TMEM63C: variants seen among roughly 807,000 people sequenced by gnomAD.
TMEM63C encodes transmembrane protein 63C, also known as osmosensitive cation channel TMEM63C.
TMEM63C carries 32 observed loss-of-function variants against 99.2 expected under a neutral mutation model. The ratio of observed to expected loss-of-function variants is 0.32; its 90% confidence interval spans 0.24 to 0.43. The LOEUF is 0.43. TMEM63C is among the 20% of genes least tolerant of loss of function. TMEM63C has a pLI of 1.00. For missense variants in TMEM63C, 826 were observed against 1,053.0 expected (o/e 0.78, Z 2.98); for synonymous variants, 376 against 397.9 (o/e 0.94, Z 0.66).
chr14:77,251,583 T>A, intron 21 of TMEM63C: 1 of 579,446 alleles, frequency 1.7e-6, no homozygotes, highest in Non-Finnish European at 3.1e-6. Context: ...TAAAACATTT[T>A]TTCATGGACT....
In TMEM63C at chr14:77,238,879, G is replaced by A. The variant is rs1889107877; in HGVS notation, c.725+112G>A. ...GGATGGTGGGACTGGGACACCCCGG[G>A]GTGGCTCTCCCTGGACTCAGCTCAG... On this transcript the variant is annotated intron_variant, in intron 10 of 23. Coordinates refer to ENST00000298351, the MANE Select transcript of TMEM63C (RefSeq NM_020431.4). The A allele has an allele frequency of 1.6e-5, 13 of 827,180 alleles. No individual in the cohort carries two copies. The East Asian group carries it at 3.4e-4, about 22-fold the overall frequency. 51.2% of individuals were successfully genotyped at this position (827,180 alleles called of 1,614,324 possible). A position where few individuals can be genotyped will look rare whatever the true frequency, so the allele number is the denominator to read the frequency against.
chr14:77,231,909 T>C (rs1888950512), intron 7 of TMEM63C, among the ~76,000 whole-genome samples, 179 bp downstream of exon 7: 1 of 152,204 alleles, frequency 6.6e-6, no homozygotes, highest in South Asian at 2.1e-4. Flanking sequence ...CTGGAGACGA[T>C]TCCTCCTTTG....
chr14:77,191,532 C>CTT (rs1888107205), intron 1 of TMEM63C, among the ~76,000 whole-genome samples: 5 of 92,424 alleles, frequency 5.4e-5, no homozygotes, highest in South Asian at 3.5e-4. Context: ...TTTCTTTTTT[C>CTT]TTTTTCTTTT....
chr14:77,246,723 G>A, intron 18 of TMEM63C, 49 bp downstream of exon 18: 1 of 1,489,044 alleles, frequency 6.7e-7, no homozygotes, highest in Non-Finnish European at 9.3e-7. Context: ...GCACACAGGA[G>A]TGGTTATATG....
chr14:77,243,176 T>C (rs1889210710), intron 15 of TMEM63C, 120 bp downstream of exon 15: 6 of 1,210,366 alleles, frequency 5.0e-6, no homozygotes, highest in Non-Finnish European at 6.8e-6. Flanking sequence ...AGTGCGAACA[T>C]TGTGGAGGTG....
intron 5 of TMEM63C, among the ~76,000 whole-genome samples, chr14:77,223,657 GCA>G (rs1182013238): frequency 6.6e-6 from 1 of 151,980 alleles, no homozygotes; most frequent in Non-Finnish European, 1.5e-5. Flanking sequence ...GTATGTGTGT[GCA>G]CACACACATG....
rs1272035984 is a variant in TMEM63C, at chr14:77,236,736, A to G, written c.651+4A>G. 6.3e-7 allele frequency: 1 copy of G among 1,598,884 alleles called. No individual in the cohort carries two copies. Among genetic ancestry groups the G allele is most frequent in the Non-Finnish European group, 8.6e-7 (1 of 1,167,010 alleles). On this transcript the variant is annotated splice_donor_region_variant and intron_variant, in intron 9 of 23. Coordinates refer to ENST00000298351, the MANE Select transcript of TMEM63C (RefSeq NM_020431.4). ...TGCACCCAGGAATAGCCAAAAGGTA[A>G]GTAGCCTACAAAGCTGCTTCCCACT...
rs983362803 is a variant in TMEM63C, at chr14:77,257,290, C to G, written c.*564C>G. 6.5e-6 allele frequency: 1 copy of G among 153,450 alleles called. No homozygotes were observed. The highest frequency in any genetic ancestry group is 1.9e-4 in the East Asian group (1 of 5,224). 9.5% of individuals were successfully genotyped at this position (153,450 alleles called of 1,614,324 possible). A position where few individuals can be genotyped will look rare whatever the true frequency, so the allele number is the denominator to read the frequency against. On this transcript the variant is annotated 3_prime_UTR_variant, in exon 24 of 24. Coordinates refer to ENST00000298351, the MANE Select transcript of TMEM63C (RefSeq NM_020431.4). ...TCTGTAAAGAGAAAGTTTCTGCACC[C>G]ACCAGAGCAAGAGCCAACTGAAAGC...
intron 10 of TMEM63C, among the ~76,000 whole-genome samples, chr14:77,239,065 G>C (rs577804493): frequency 2.6e-5 from 4 of 152,198 alleles, no homozygotes; most frequent in Non-Finnish European, 5.9e-5. Context: ...CAGCTATTTA[G>C]AGAAGATCAT....
intron 1 of TMEM63C, among the ~76,000 whole-genome samples, chr14:77,182,439 T>C (rs1013237628): frequency 2.6e-5 from 4 of 152,126 alleles, no homozygotes; most frequent in African/African-American, 9.7e-5. Flanking sequence ...AAAGAAAGGC[T>C]CTTGCCTCCC....
Position 77,186,754 on chromosome 14 carries a change from G to A in TMEM63C, c.-77+4860G>A, listed in dbSNP as rs1297756969. 2.8e-5 allele frequency among the ~76,000 whole-genome samples: 4 copies of A among 141,948 alleles called. No individual in the cohort carries two copies. In the East Asian group the frequency reaches 5.9e-4, roughly 21 times the overall value. 93.1% of individuals were successfully genotyped at this position (141,948 alleles called of 152,430 possible). On this transcript the variant is annotated intron_variant, in intron 1 of 23. Coordinates refer to ENST00000298351, the MANE Select transcript of TMEM63C (RefSeq NM_020431.4). ...ACATCCCTGAGGACCTGGCAGAGGG[G>A]GAATCTTCTCAGAACCAAAGGGGTG...
intron 9 of TMEM63C, among the ~76,000 whole-genome samples, chr14:77,236,982 TCCAC>T (rs1889073674): frequency 6.8e-6 from 1 of 146,260 alleles, no homozygotes; most frequent in Non-Finnish European, 1.5e-5. Context: ...CTCACGCTCC[TCCAC>T]CCTCTCACCC....
intron 1 of TMEM63C, among the ~76,000 whole-genome samples, chr14:77,202,825 G>GCA (rs60544528): frequency 0.014 from 1,971 of 141,076 alleles, 37 homozygotes; most frequent in South Asian, 0.045. Flanking sequence ...ACAGGCAGGC[G>GCA]CACACACACA....
chr14:77,240,930 TCTTTTTTTTTTTTTTTC>T (rs750291864), intron 13 of TMEM63C, among the ~76,000 whole-genome samples: 1 of 17,202 alleles, frequency 5.8e-5, no homozygotes, highest in Admixed American at 1.0e-3. Context: ...TTTCCCTTTT[TCTTTTTTTTTTTTTTTC>T]TTTTTTTTTT....
chr14:77,257,014 C>T lies in TMEM63C; in HGVS notation c.*288C>T, dbSNP rs530894628. ...CTGGAGCCCCGGCACAGAGACTGAA[C>T]GCTGGGGTCCCTTCCTGGGACCAAG... is the stretch of plus-strand genomic sequence containing the variant. On this transcript the variant is annotated 3_prime_UTR_variant, in exon 24 of 24. Coordinates refer to ENST00000298351, the MANE Select transcript of TMEM63C (RefSeq NM_020431.4). The T allele has an allele frequency of 1.6e-5, 6 of 378,104 alleles. No homozygotes were observed. The highest frequency in any genetic ancestry group is 4.8e-5 in the East Asian group (1 of 20,968). The allele number at this position is 378,104 out of a possible 1,614,324, so 23.4% of individuals were successfully genotyped here. A position where few individuals can be genotyped will look rare whatever the true frequency, so the allele number is the denominator to read the frequency against.
chr14:77,246,442 G>A (rs887235039), intron 17 of TMEM63C, among the ~76,000 whole-genome samples, 167 bp from the exon 18 acceptor site: 1 of 152,234 alleles, frequency 6.6e-6, no homozygotes, highest in Admixed American at 6.5e-5. Flanking sequence ...CAAAGGGCTC[G>A]GGGCCAGGAC....
At chr14:77,198,954 T>C (rs558742265) in intron 1 of TMEM63C, among the ~76,000 whole-genome samples, 1 of 152,304 alleles carries the variant, frequency 6.6e-6, no homozygotes, top group East Asian at 1.9e-4. Context: ...GACACTGGAC[T>C]AGGCAGCAGC....
At chr14:77,239,369 C>T (rs1448463243) in intron 10 of TMEM63C, 43 bp from the exon 11 acceptor site, 1 of 1,606,316 alleles carries the variant, frequency 6.2e-7, no homozygotes, top group South Asian at 1.1e-5. Flanking sequence ...CAGCACATCC[C>T]CAACCCCACA....
rs556425696 is a variant in TMEM63C at position 77,254,308 on chromosome 14, G to A, written c.2220+932G>A. Among the ~76,000 whole-genome samples, 3 of 152,256 alleles carry A rather than the reference G, an allele frequency of 2.0e-5. No individual in the cohort carries two copies. The South Asian group carries it at 6.2e-4, about 32-fold the overall frequency. On this transcript the variant is annotated intron_variant, in intron 23 of 23. Coordinates refer to ENST00000298351, the MANE Select transcript of TMEM63C (RefSeq NM_020431.4). Reference sequence around the variant, plus strand: ...TAGTTGTGGGCAGAGCTGGGAGTGAGTGCACGGTGACAGAAGCACAGACAA... The same window carrying A: ...TAGTTGTGGGCAGAGCTGGGAGTGAATGCACGGTGACAGAAGCACAGACAA...
Sources: gnomAD v4.1 joint callset for allele counts (sites outside exome capture counted in the v4.1 genomes callset) on GRCh38, gnomAD v4.1.1 for gene constraint, MANE v1.5 for transcripts, NCBI Gene and HGNC (gene_info 2026-07-23, HGNC 2026-07-21) for gene names.